MYH11: variants seen among roughly 807,000 people sequenced by gnomAD.
MYH11 encodes the protein myosin heavy chain 11.
MYH11 carries 80 observed loss-of-function variants against 246.6 expected under a neutral mutation model. The ratio of observed to expected loss-of-function variants is 0.32; its 90% CI spans 0.27 to 0.39. The LOEUF (loss-of-function observed/expected upper bound fraction) is 0.39, where lower values mean the gene tolerates loss of function less well. Among genes scored for constraint, MYH11 ranks in the 10% least tolerant of loss-of-function variants. The probability of loss-of-function intolerance (pLI) is 1.00; values close to 1 mark genes in which losing one functional copy is unlikely to be tolerated. For missense variants in MYH11, 2,158 were observed against 2,546.8 expected, an observed-to-expected ratio of 0.85 and a Z score of 3.29; for synonymous variants, 1,071 against 1,015.5, an observed-to-expected ratio of 1.05 and a Z score of -1.04.
intron 14 of MYH11, 64 bp from the exon 15 acceptor site, chr16:15,753,572 G>T: frequency 7.9e-7 from 1 of 1,265,046 alleles, no homozygotes. Flanking sequence ...CCAAGGCCAG[G>T]ACCCCAGCCC....
intron 1 of MYH11, among the ~76,000 whole-genome samples, chr16:15,850,417 T>G (rs1401536321): frequency 6.6e-6 from 1 of 151,862 alleles, no homozygotes; most frequent in Admixed American, 6.6e-5. Flanking sequence ...AAATTAAATA[T>G]CCCAGAGCCC....
In MYH11 at chr16:15,703,928, T is replaced by G. The variant is rs781091185; in HGVS notation, c.*63A>C. On this transcript the variant is annotated 3_prime_UTR_variant, in exon 41 of 41. Transcript: ENST00000300036. ...CTTTGTTCTGGGTTGTTGTTGGGTT[T>G]TTTTTGTTTGTTTGTTTTGGTTTTT... 24 of 1,573,844 alleles carry G rather than the reference T, an allele frequency of 1.5e-5. No individual in the cohort carries two copies. Among genetic ancestry groups the G allele is most frequent in the African/African-American group, 1.2e-4 (9 of 74,504 alleles).
chr16:15,801,201 G>A (rs997815697), intron 3 of MYH11, among the ~76,000 whole-genome samples: 1 of 152,090 alleles, frequency 6.6e-6, no homozygotes, highest in East Asian at 1.9e-4. Context: ...GCAAGACTCT[G>A]TTTCAAAAAC....
At chr16:15,732,988 T>G in intron 26 of MYH11, 1 of 530,966 alleles carries the variant, frequency 1.9e-6, no homozygotes, top group East Asian at 3.3e-5. Flanking sequence ...ACTGCAAAAT[T>G]TTGCTTAAAT....
intron 15 of MYH11, among the ~76,000 whole-genome samples, chr16:15,751,201 G>C (rs1290503667): frequency 6.7e-6 from 1 of 150,304 alleles, no homozygotes; most frequent in African/African-American, 2.4e-5. Flanking sequence ...ACTCTTGTTG[G>C]CCAGGCTGGA....
At chr16:15,775,318 C>T (rs889471139) in intron 8 of MYH11, among the ~76,000 whole-genome samples, 6 of 152,236 alleles carry the variant, frequency 3.9e-5, no homozygotes, top group African/African-American at 1.4e-4. Context: ...TATTGTAACA[C>T]AGTGATGCAT....
At chr16:15,820,751 C>T (rs1261391113) in intron 3 of MYH11, among the ~76,000 whole-genome samples, 2 of 152,182 alleles carry the variant, frequency 1.3e-5, no homozygotes, top group Non-Finnish European at 2.9e-5. Flanking sequence ...GAAAAAAACC[C>T]CACACCCACT....
chr16:15,705,508 T>C (rs1296067804), intron 40 of MYH11, among the ~76,000 whole-genome samples: 1 of 152,184 alleles, frequency 6.6e-6, no homozygotes, highest in African/African-American at 2.4e-5. Flanking sequence ...CTTAACTCTT[T>C]TCAGCAACCG....
At chr16:15,726,257 G>A (rs2151223292) in intron 28 of MYH11, 1 of 155,172 alleles carries the variant, frequency 6.4e-6, no homozygotes, top group East Asian at 1.9e-4. Context: ...TACTGGGGCA[G>A]CGACAGTGTC....
chr16:15,708,172 T>C (rs527464582), intron 40 of MYH11, among the ~76,000 whole-genome samples: 27 of 152,238 alleles, frequency 1.8e-4, no homozygotes, highest in African/African-American at 6.3e-4. Context: ...AAAATGCAGT[T>C]TGTAGCTAGA....
intron 31 of MYH11, among the ~76,000 whole-genome samples, chr16:15,723,231 T>TA (rs2040576313): frequency 6.6e-6 from 1 of 152,194 alleles, no homozygotes; most frequent in Non-Finnish European, 1.5e-5. Flanking sequence ...AAATTGTGTT[T>TA]AAAAATAAAC....
chr16:15,817,385 A>G (rs62030631), intron 3 of MYH11, among the ~76,000 whole-genome samples: 20,981 of 151,978 alleles, frequency 0.14, 1,501 homozygotes, highest in African/African-American at 0.15. Flanking sequence ...CCAGCTACTC[A>G]GGAGGCTGAG....
intron 2 of MYH11, among the ~76,000 whole-genome samples, chr16:15,830,134 CAA>C (rs5815844): frequency 1.4e-5 from 2 of 148,006 alleles, no homozygotes; most frequent in Non-Finnish European, 3.0e-5. Context: ...GACTTGGTCT[CAA>C]AAAAAAAAAG....
At chr16:15,777,524 C>T (rs1049372566) in intron 7 of MYH11, among the ~76,000 whole-genome samples, 4 of 152,074 alleles carry the variant, frequency 2.6e-5, no homozygotes, top group East Asian at 3.9e-4. Flanking sequence ...GCCAGAAGGA[C>T]GGGGCTATGC....
chr16:15,788,077 C>CTTTTT (rs1555569336), intron 4 of MYH11, among the ~76,000 whole-genome samples: 6 of 55,370 alleles, frequency 1.1e-4, no homozygotes, highest in Admixed American at 2.2e-4. Flanking sequence ...GAAGGTAGAT[C>CTTTTT]TTTTTTTTTT....
intron 2 of MYH11, among the ~76,000 whole-genome samples, chr16:15,829,444 A>G (rs1249906315): frequency 6.6e-6 from 1 of 152,140 alleles, no homozygotes; most frequent in Non-Finnish European, 1.5e-5. Context: ...AGGCAGCCGC[A>G]CATCTCACGG....
At chr16:15,787,459 C>G (rs1299140199) in intron 4 of MYH11, among the ~76,000 whole-genome samples, 1 of 147,812 alleles carries the variant, frequency 6.8e-6, no homozygotes. Flanking sequence ...TAGGTCCAAA[C>G]AGGTTTATTT....
Position 15,771,615 on chromosome 16 carries a change from G to T in MYH11, c.987C>A (p.Thr329=), listed in dbSNP as rs4781689. The change falls in exon 9 of 41, where the codon ACC becomes ACA. Residue 329 remains threonine, a synonymous_variant. Coordinates refer to ENST00000300036, the MANE Select transcript of MYH11 (RefSeq NM_002474.3). ...AAQDDEMFQE[T]VEAMAIMGFS... ...AACCCATGATTGCCATGGCCTCCAC[G>T]GTTTCCTGGAACATCTCATCATCCT... 6.2e-7 allele frequency: 1 copy of T among 1,613,698 alleles called. No individual in the cohort carries two copies. The highest frequency in any genetic ancestry group is 1.1e-5 in the South Asian group (1 of 91,064).
intron 28 of MYH11, chr16:15,725,278 C>A: frequency 1.7e-6 from 1 of 584,282 alleles, no homozygotes; most frequent in African/African-American, 1.9e-5. Flanking sequence ...TGACTGGGAC[C>A]TGATCCCACT....
Sources: gnomAD v4.1 joint callset for allele counts (sites outside exome capture counted in the v4.1 genomes callset) on GRCh38, gnomAD v4.1.1 for gene constraint, MANE v1.5 for transcripts, NCBI Gene and HGNC (gene_info 2026-07-23, HGNC 2026-07-21) for gene names.